The following TFPI variants were observed in gnomAD, a reference collection of about 807,000 sequenced individuals.
TFPI encodes anti-convertin.
Under a neutral mutation model 34.6 loss-of-function variants are expected in TFPI, and 15 were observed. The observed-to-expected ratio is 0.43, with a 90% CI of 0.29 to 0.67. The LOEUF is 0.67. Among genes scored for constraint, TFPI ranks in the 30% least tolerant of loss-of-function variants. TFPI has a pLI of 0.15. For missense variants in TFPI, 301 were observed against 364.0 expected (o/e 0.83, Z 1.41); for synonymous variants, 105 against 120.1 (o/e 0.87, Z 0.82).
At chr2:187,499,408 A>G (rs965327580) in intron 2 of TFPI, 4 of 152,088 alleles carry the variant, frequency 2.6e-5, no homozygotes, top group African/African-American at 9.7e-5. Context: ...CACTGAAGTT[A>G]TAATTGTCAG....
intron 6 of TFPI, among the ~76,000 whole-genome samples, chr2:187,476,228 AT>A (rs1233771526): frequency 6.6e-6 from 1 of 152,164 alleles, no homozygotes; most frequent in East Asian, 1.9e-4. Context: ...ATGTAGTGGT[AT>A]TAGATATAAT....
intron 6 of TFPI, among the ~76,000 whole-genome samples, chr2:187,479,541 A>T: frequency 9.8e-6 from 1 of 102,444 alleles, no homozygotes; most frequent in Non-Finnish European, 1.9e-5. Context: ...GGGGGATATC[A>T]CGTTCATATA....
chr2:187,533,863 A>G (rs779399024), intron 1 of TFPI, among the ~76,000 whole-genome samples: 1 of 152,238 alleles, frequency 6.6e-6, no homozygotes, highest in Non-Finnish European at 1.5e-5. Flanking sequence ...AGTTTAGGAA[A>G]GAACATAAAT....
chr2:187,498,306 AAT>A (rs1472420926), intron 2 of TFPI, among the ~76,000 whole-genome samples: 2 of 151,836 alleles, frequency 1.3e-5, no homozygotes, highest in African/African-American at 4.8e-5. Flanking sequence ...TGAAACAGAA[AAT>A]ATGTGTGTAA....
intron 7 of TFPI, 131 bp downstream of exon 7, chr2:187,467,622 G>A: frequency 1.3e-6 from 1 of 753,032 alleles, no homozygotes. Context: ...TGTAATTGAA[G>A]AGGACATTTA....
chr2:187,520,950 G>A (rs983330123), intron 1 of TFPI, among the ~76,000 whole-genome samples: 2 of 151,728 alleles, frequency 1.3e-5, no homozygotes, highest in Non-Finnish European at 2.9e-5. Flanking sequence ...TTTTCTGAGT[G>A]CCTTACTTTT....
chr2:187,471,721 C>G (rs779341634), intron 6 of TFPI, among the ~76,000 whole-genome samples: 14 of 151,408 alleles, frequency 9.2e-5, no homozygotes, highest in Admixed American at 4.0e-4. Flanking sequence ...AGATGGTGCT[C>G]TAAACTCAGT....
rs112960023 is a variant in TFPI at position 187,497,100 on chromosome 2, T to C, written c.122-22A>G. The C allele has an allele frequency of 2.5e-5, 39 of 1,588,572 alleles. No homozygotes were observed. In the African/African-American group the frequency reaches 3.7e-4, roughly 15 times the overall value. On this transcript the variant is annotated intron_variant, in intron 2 of 7. Transcript: ENST00000233156. ...GTATCTATAAAGTAAAAATAAAAGA[T>C]ATAACATGTAATCTCCATCAACACT...
At chr2:187,547,816 C>T (rs1456928292) in intron 1 of TFPI, 1 of 152,056 alleles carries the variant, frequency 6.6e-6, no homozygotes, top group Non-Finnish European at 1.5e-5. Flanking sequence ...TCTAAATTGC[C>T]ATTCATCTCT....
At chr2:187,484,059 C>A in intron 6 of TFPI, 65 bp downstream of exon 6, 2 of 1,327,526 alleles carry the variant, frequency 1.5e-6, no homozygotes, top group East Asian at 4.6e-5. Context: ...TTCTAATACA[C>A]AATCCACTTC....
At chr2:187,544,862 A>G (rs567268110) in intron 1 of TFPI, among the ~76,000 whole-genome samples, 3 of 152,274 alleles carry the variant, frequency 2.0e-5, no homozygotes. Context: ...CATCTATAAA[A>G]CCAGCACTTT....
At chr2:187,505,191 G>T (rs1686123727) in intron 1 of TFPI, among the ~76,000 whole-genome samples, 1 of 151,862 alleles carries the variant, frequency 6.6e-6, no homozygotes, top group Non-Finnish European at 1.5e-5. Flanking sequence ...GCTATACTTT[G>T]AGTATAAAAT....
intron 1 of TFPI, among the ~76,000 whole-genome samples, chr2:187,539,705 C>T (rs935578611): frequency 2.6e-5 from 4 of 152,070 alleles, no homozygotes; most frequent in African/African-American, 9.6e-5. Context: ...CATTTGTTTT[C>T]AAAAGGCTAG....
chr2:187,467,618 TGAA>T lies in TFPI; in HGVS notation c.808+132_808+134del, dbSNP rs573452522. On this transcript the variant is annotated intron_variant, in intron 7 of 7. Transcript: ENST00000233156. ...TCTAGCAATATTATCTAAATGTAATTGAAGAGGACATTTATTAGCTAGATTATA... is the reference window on the plus strand; with the variant it reads ...TCTAGCAATATTATCTAAATGTAATTGAGGACATTTATTAGCTAGATTATA... The T allele has an allele frequency of 9.6e-6, 7 of 731,578 alleles. No individual in the cohort carries two copies. In the South Asian group the frequency reaches 1.7e-4, roughly 18 times the overall value. 45.3% of individuals were successfully genotyped at this position (731,578 alleles called of 1,614,324 possible).
At chr2:187,473,413 T>C (rs747529927) in intron 6 of TFPI, among the ~76,000 whole-genome samples, 7 of 152,146 alleles carry the variant, frequency 4.6e-5, no homozygotes, top group Non-Finnish European at 7.4e-5. Context: ...TTGTGGTAAG[T>C]TGAAAAAAAA....
chr2:187,476,185 C>T (rs1692360721), intron 6 of TFPI, among the ~76,000 whole-genome samples: 1 of 152,076 alleles, frequency 6.6e-6, no homozygotes, highest in African/African-American at 2.4e-5. Flanking sequence ...ACTGGTCACT[C>T]AGATCCATGT....
chr2:187,529,861 G>C (rs946409071), intron 1 of TFPI, among the ~76,000 whole-genome samples: 1 of 152,110 alleles, frequency 6.6e-6, no homozygotes, highest in Non-Finnish European at 1.5e-5. Context: ...TCTGTTTCTT[G>C]CGGCATTACT....
At chr2:187,534,075 G>C (rs1688116050) in intron 1 of TFPI, among the ~76,000 whole-genome samples, 1 of 152,164 alleles carries the variant, frequency 6.6e-6, no homozygotes. Flanking sequence ...TGAATGAAAA[G>C]ACCAAACCCA....
chr2:187,467,775 T>C lies in TFPI; in HGVS notation c.786A>G (p.Glu262=). The change falls in exon 7 of 8, where the codon GAA becomes GAG. Residue 262 remains glutamate, a synonymous_variant. Transcript: ENST00000233156. The part of the protein sequence containing the change: ...GNENNFTSKQ[E]CLRACKKGFI... ...TACCTTTTTTACATGCCCTCAGACA[T>C]TCTTGTTTGGAAGTAAAATTGTTTT... The C allele has an allele frequency of 6.2e-7, 1 of 1,610,678 alleles. No individual in the cohort carries two copies. Among genetic ancestry groups the C allele is most frequent in the South Asian group, 1.1e-5 (1 of 90,638 alleles).
Sources: gnomAD v4.1 joint callset for allele counts (sites outside exome capture counted in the v4.1 genomes callset) on GRCh38, gnomAD v4.1.1 for gene constraint, MANE v1.5 for transcripts, NCBI Gene and HGNC (gene_info 2026-07-23, HGNC 2026-07-21) for gene names.